ASTN2: variants seen among roughly 807,000 people sequenced by gnomAD.
The protein encoded by ASTN2 is astrotactin-2.
In ASTN2, 54 loss-of-function variants were observed where a neutral mutation model predicts 139.8. The observed-to-expected ratio is 0.39, with a 90% CI of 0.31 to 0.48. The LOEUF (loss-of-function observed/expected upper bound fraction) is 0.48, where lower values mean the gene tolerates loss of function less well. Among genes scored for constraint, ASTN2 ranks in the 20% least tolerant of loss-of-function variants. The pLI, the probability that ASTN2 is intolerant of heterozygous loss-of-function variation, is 0.95. For synonymous variants in ASTN2, 756 were observed against 719.5 expected, an observed-to-expected ratio of 1.05 and a Z score of -0.81; for missense variants, 1,565 against 1,725.1, an observed-to-expected ratio of 0.91 and a Z score of 1.64.
intron 19 of ASTN2, among the ~76,000 whole-genome samples, chr9:116,604,446 C>T (rs893069240): frequency 3.3e-5 from 5 of 152,134 alleles, no homozygotes; most frequent in Middle Eastern, 6.8e-3. Flanking sequence ...AAACATATTC[C>T]CCTCACCCCC....
At chr9:117,016,635 TA>T (rs1837699839) in intron 6 of ASTN2, among the ~76,000 whole-genome samples, 2 of 20,696 alleles carry the variant, frequency 9.7e-5, no homozygotes, top group Admixed American at 7.2e-4. Context: ...TATATATATA[TA>T]TATATATATA....
chr9:116,547,246 G>C (rs4837613), intron 19 of ASTN2: 71,850 of 152,002 alleles, frequency 0.47, 17,286 homozygotes, highest in Admixed American at 0.56. Context: ...TAATCTCTTA[G>C]ATTTGTATAT....
At chr9:117,222,922 A>G (rs1564488719) in intron 2 of ASTN2, among the ~76,000 whole-genome samples, 2 of 152,148 alleles carry the variant, frequency 1.3e-5, no homozygotes. Flanking sequence ...GCTTAAAACC[A>G]TACAACCAAG....
intron 19 of ASTN2, among the ~76,000 whole-genome samples, chr9:116,539,448 A>G (rs1480117003): frequency 6.6e-6 from 1 of 152,148 alleles, no homozygotes; most frequent in Non-Finnish European, 1.5e-5. Context: ...TAGTATATGG[A>G]AAAAAAATTT....
intron 2 of ASTN2, among the ~76,000 whole-genome samples, chr9:117,253,746 T>C (rs948414124): frequency 6.6e-6 from 1 of 152,142 alleles, no homozygotes; most frequent in African/African-American, 2.4e-5. Flanking sequence ...AAAGCATCCA[T>C]GAAACAGGAG....
chr9:116,782,908 C>T (rs12335519), intron 13 of ASTN2, among the ~76,000 whole-genome samples: 39,863 of 152,088 alleles, frequency 0.26, 6,079 homozygotes, highest in East Asian at 0.76. Flanking sequence ...TAACACTGCA[C>T]GGGTCAGTTT....
At chr9:116,946,043 C>G (rs927508899) in intron 10 of ASTN2, among the ~76,000 whole-genome samples, 2 of 152,162 alleles carry the variant, frequency 1.3e-5, no homozygotes, top group Non-Finnish European at 2.9e-5. Flanking sequence ...GGAGGAAGTG[C>G]CACACTTACA....
intron 13 of ASTN2, among the ~76,000 whole-genome samples, chr9:116,803,142 TA>T (rs1325988131): frequency 2.6e-5 from 4 of 152,106 alleles, no homozygotes; most frequent in Non-Finnish European, 5.9e-5. Context: ...ATAATTCCTT[TA>T]TTTTTTTATT....
At chr9:116,662,188 T>A (rs890049913) in intron 16 of ASTN2, among the ~76,000 whole-genome samples, 2 of 152,084 alleles carry the variant, frequency 1.3e-5, no homozygotes, top group Non-Finnish European at 2.9e-5. Context: ...CAGCCCTGCA[T>A]GTGACCATAG....
chr9:117,094,279 A>C (rs1398308070), intron 5 of ASTN2, among the ~76,000 whole-genome samples: 1 of 151,958 alleles, frequency 6.6e-6, no homozygotes, highest in Non-Finnish European at 1.5e-5. Context: ...GAAGGGATGG[A>C]AGGAGAGAGA....
At position 117,120,012 on chromosome 9, in the gene ASTN2, GTGTGTGTATATATA is replaced by G. The variant is rs1156643631; in HGVS notation, c.1168+21300_1168+21313del. On this transcript the variant is annotated intron_variant, in intron 4 of 22. Transcript: ENST00000313400. Reference sequence around the variant, plus strand: ...TGTATGTGTGTGTGTGTGTGTGTGTGTGTGTGTATATATATATATATATATATATATATATATAC... The same window carrying G: ...TGTATGTGTGTGTGTGTGTGTGTGTGTATATATATATATATATATATATAC... Among the ~76,000 whole-genome samples the G allele has an allele frequency of 2.4e-3, 167 of 68,770 alleles. No individual in the cohort carries two copies. The Middle Eastern group carries it at 0.026, about 11-fold the overall frequency. 45.1% of individuals were successfully genotyped at this position (68,770 alleles called of 152,430 possible). A position where few individuals can be genotyped will look rare whatever the true frequency, so the allele number is the denominator to read the frequency against.
chr9:116,680,784 T>A, intron 16 of ASTN2, among the ~76,000 whole-genome samples: 1 of 152,222 alleles, frequency 6.6e-6, no homozygotes, highest in Non-Finnish European at 1.5e-5. Flanking sequence ...CACATGATTA[T>A]CTCAATAGAT....
chr9:116,905,965 T>C (rs1052909501), intron 10 of ASTN2, among the ~76,000 whole-genome samples: 31 of 152,002 alleles, frequency 2.0e-4, no homozygotes, highest in Admixed American at 2.0e-4. Flanking sequence ...TAAAGCTTTG[T>C]TTCCCCATTT....
chr9:117,079,533 T>G (rs954435541), intron 5 of ASTN2, among the ~76,000 whole-genome samples: 6 of 152,124 alleles, frequency 3.9e-5, no homozygotes, highest in Non-Finnish European at 5.9e-5. Flanking sequence ...AAAGAGCCCT[T>G]TACTCACAAC....
At chr9:116,540,181 A>G (rs2119344055) in intron 19 of ASTN2, among the ~76,000 whole-genome samples, 1 of 152,222 alleles carries the variant, frequency 6.6e-6, no homozygotes, top group Middle Eastern at 3.4e-3. Flanking sequence ...GTCTATTTCT[A>G]TGGATCCTCT....
At chr9:117,284,298 T>C (rs1316477030) in intron 2 of ASTN2, among the ~76,000 whole-genome samples, 3 of 152,120 alleles carry the variant, frequency 2.0e-5, no homozygotes, top group Non-Finnish European at 4.4e-5. Flanking sequence ...ATAGACAGGG[T>C]TTCACCATGT....
intron 13 of ASTN2, among the ~76,000 whole-genome samples, chr9:116,788,591 A>G (rs1830442823): frequency 6.6e-6 from 1 of 152,098 alleles, no homozygotes; most frequent in Admixed American, 6.5e-5. Context: ...TCTCTTTGAG[A>G]CCCAGTTACC....
chr9:117,321,517 C>A (rs1828321687), intron 1 of ASTN2, among the ~76,000 whole-genome samples: 1 of 152,148 alleles, frequency 6.6e-6, no homozygotes, highest in Admixed American at 6.5e-5. Context: ...GTATACATAG[C>A]TCCTAGTAAA....
intron 2 of ASTN2, among the ~76,000 whole-genome samples, chr9:117,243,769 G>T (rs1396456641): frequency 6.6e-6 from 1 of 152,118 alleles, no homozygotes; most frequent in African/African-American, 2.4e-5. Context: ...GATGTACAGG[G>T]CAGGCCTTGG....
Sources: allele counts gnomAD v4.1 joint callset (sites outside exome capture counted in the v4.1 genomes callset), GRCh38; gene constraint gnomAD v4.1.1; transcripts MANE v1.5; gene names NCBI Gene and HGNC (gene_info 2026-07-23, HGNC 2026-07-21).